Variants in SAXO1 observed in about 807,000 individuals in gnomAD.
The protein encoded by SAXO1 is stabilizer of axonemal microtubules 1.
A neutral mutation model predicts 17.5 loss-of-function variants in SAXO1; 21 were observed. The ratio of observed to expected loss-of-function variants is 1.20; its 90% CI spans 0.85 to 1.72. The LOEUF (loss-of-function observed/expected upper bound fraction) is 1.72, where lower values mean the gene tolerates loss of function less well. Ranked by LOEUF, SAXO1 falls within the 40% of genes most tolerant of loss-of-function variation. The pLI is 0.00. For synonymous variants in SAXO1, 274 were observed against 216.5 expected, an observed-to-expected ratio of 1.27 and a Z score of -2.33; for missense variants, 843 against 596.0, an observed-to-expected ratio of 1.41 and a Z score of -4.32.
At chr9:18,948,252 G>A (rs537261675) in intron 2 of SAXO1, among the ~76,000 whole-genome samples, 2 of 152,286 alleles carry the variant, frequency 1.3e-5, no homozygotes, top group African/African-American at 4.8e-5. Flanking sequence ...ATCATGGCAG[G>A]CACAGGGTTG....
At chr9:18,971,402 C>T (rs1832938739) in intron 1 of SAXO1, among the ~76,000 whole-genome samples, 1 of 151,924 alleles carries the variant, frequency 6.6e-6, no homozygotes, top group Admixed American at 6.6e-5. Flanking sequence ...TTTTCTGTCT[C>T]TACGGAGCTT....
chr9:19,041,691 G>T (rs1836083834), intron 1 of SAXO1, among the ~76,000 whole-genome samples: 1 of 152,018 alleles, frequency 6.6e-6, no homozygotes, highest in Non-Finnish European at 1.5e-5. Flanking sequence ...ACATGCATGG[G>T]GTAAAAACAG....
Position 18,929,506 on chromosome 9 carries a change from C to T in SAXO1, c.422-451G>A, listed in dbSNP as rs373865556. The stretch of plus-strand genomic sequence containing the variant: ...CTGGTGGGCCACCAGCCAGATGAAC[C>T]AGGCCTACCTGGTCGTCTGTGGAGT... On this transcript the variant is annotated intron_variant, in intron 3 of 3. Coordinates refer to ENST00000380534, the MANE Select transcript of SAXO1 (RefSeq NM_153707.4). Among the ~76,000 whole-genome samples the T allele has an allele frequency of 1.8e-3, 273 of 152,312 alleles. 1 individual carries two copies. The highest frequency in any genetic ancestry group is 6.2e-3 in the African/African-American group (256 of 41,558).
At chr9:18,936,572 T>C (rs1440317915) in intron 3 of SAXO1, among the ~76,000 whole-genome samples, 1 of 152,170 alleles carries the variant, frequency 6.6e-6, no homozygotes, top group East Asian at 1.9e-4. Context: ...CACATTATTA[T>C]CCAAGCCTCC....
At chr9:19,025,743 A>G (rs1835445551) in intron 1 of SAXO1, among the ~76,000 whole-genome samples, 1 of 152,256 alleles carries the variant, frequency 6.6e-6, no homozygotes, top group African/African-American at 2.4e-5. Flanking sequence ...AAATAATCAG[A>G]TATAAAAGTA....
chr9:18,972,336 C>T (rs1216479152), intron 1 of SAXO1, among the ~76,000 whole-genome samples: 1 of 152,154 alleles, frequency 6.6e-6, no homozygotes, highest in East Asian at 1.9e-4. Flanking sequence ...ACTGAAGAAA[C>T]AAACACCATA....
chr9:19,039,981 G>T (rs527356625), intron 1 of SAXO1, among the ~76,000 whole-genome samples: 1 of 152,072 alleles, frequency 6.6e-6, no homozygotes, highest in Non-Finnish European at 1.5e-5. Context: ...TGCCCGCCTC[G>T]GCCTCTCAAA....
chr9:19,020,441 T>C (rs1286425985), intron 1 of SAXO1, among the ~76,000 whole-genome samples: 3 of 151,640 alleles, frequency 2.0e-5, no homozygotes, highest in African/African-American at 7.3e-5. Flanking sequence ...AACCTCCGCC[T>C]CCAAGGCTCA....
chr9:18,985,635 A>T (rs1833561408), intron 1 of SAXO1, among the ~76,000 whole-genome samples: 1 of 152,132 alleles, frequency 6.6e-6, no homozygotes, highest in Non-Finnish European at 1.5e-5. Flanking sequence ...GCACCTCACG[A>T]TGGAGCCCAA....
intron 1 of SAXO1, among the ~76,000 whole-genome samples, chr9:19,015,738 C>A (rs546971598): frequency 6.6e-6 from 1 of 151,750 alleles, no homozygotes; most frequent in South Asian, 2.1e-4. Flanking sequence ...CTCAGCCTCC[C>A]AAGTTGCTGG....
chr9:18,934,087 A>G (rs1831184755), intron 3 of SAXO1, among the ~76,000 whole-genome samples: 1 of 152,118 alleles, frequency 6.6e-6, no homozygotes, highest in African/African-American at 2.4e-5. Context: ...ATTTTTCTAT[A>G]TGTGATGAGT....
intron 3 of SAXO1, among the ~76,000 whole-genome samples, chr9:18,930,654 C>T (rs913459812): frequency 8.5e-5 from 13 of 152,304 alleles, no homozygotes; most frequent in Admixed American, 2.0e-4. Flanking sequence ...CATGTGCCAC[C>T]GCACCCGGCT....
At chr9:18,961,395 T>A (rs1326127072) in intron 1 of SAXO1, among the ~76,000 whole-genome samples, 1 of 152,184 alleles carries the variant, frequency 6.6e-6, no homozygotes, top group East Asian at 1.9e-4. Context: ...ACGTGCAGGT[T>A]TGTTACATAG....
At chr9:19,009,835 T>TC (rs1358831389) in intron 1 of SAXO1, among the ~76,000 whole-genome samples, 1 of 151,610 alleles carries the variant, frequency 6.6e-6, no homozygotes, top group Non-Finnish European at 1.5e-5. Context: ...GGTTTTCTTT[T>TC]TTTTTTTTTG....
intron 3 of SAXO1, among the ~76,000 whole-genome samples, chr9:18,939,548 G>A (rs1831459097): frequency 6.6e-6 from 1 of 152,222 alleles, no homozygotes. Flanking sequence ...TAGCTGAAAG[G>A]ATAAGTGCTA....
chr9:19,007,812 T>G (rs926152239), intron 1 of SAXO1, among the ~76,000 whole-genome samples: 4 of 152,248 alleles, frequency 2.6e-5, no homozygotes, highest in African/African-American at 7.2e-5. Context: ...GAAAATTGTA[T>G]GTAATTTCCA....
At position 18,950,810 on chromosome 9, in the gene SAXO1, T is replaced by C; in HGVS notation, c.166A>G (p.Arg56Gly). 1.2e-6 allele frequency: 2 copies of C among 1,613,840 alleles called. No homozygotes were observed. The highest frequency in any genetic ancestry group is 1.7e-6 in the Non-Finnish European group (2 of 1,179,750). The part of the protein sequence containing the change: ...SYLPRESFKP[R>G]REYQKGPIPM... ...ATAGGCCCTTTCTGGTACTCCCGCC[T>C]TGGCTTGAAGGACTCTCTGGGCAGG... Residue 56 changes from arginine (R) to glycine (G), a missense_variant, in exon 2 of 4, where the codon AGG (arginine) becomes GGG (glycine). Arg to Gly is a moderately radical substitution (Grantham distance 125). Transcript: ENST00000380534.
intron 1 of SAXO1, among the ~76,000 whole-genome samples, chr9:18,995,512 C>T (rs897519094): frequency 2.6e-5 from 4 of 152,288 alleles, no homozygotes; most frequent in African/African-American, 9.6e-5. Context: ...GAATGTTCTC[C>T]TAGCTTGCAA....
intron 1 of SAXO1, among the ~76,000 whole-genome samples, chr9:18,967,886 A>G (rs1321120970): frequency 6.6e-6 from 1 of 152,168 alleles, no homozygotes; most frequent in African/African-American, 2.4e-5. Flanking sequence ...ATAGGCACAC[A>G]AGGGAATCTC....
Sources: gnomAD v4.1 joint callset for allele counts (sites outside exome capture counted in the v4.1 genomes callset) on GRCh38, gnomAD v4.1.1 for gene constraint, MANE v1.5 for transcripts, NCBI Gene and HGNC (gene_info 2026-07-23, HGNC 2026-07-21) for gene names.